Variants in CCSER1 observed in about 807,000 individuals in gnomAD.
CCSER1 encodes the protein serine-rich coiled-coil domain-containing protein 1.
A neutral mutation model predicts 82.0 loss-of-function variants in CCSER1; 41 were observed. The ratio of observed to expected loss-of-function variants is 0.50; its 90% confidence interval spans 0.39 to 0.65. CCSER1 has a LOEUF of 0.65. Ranked by LOEUF, CCSER1 falls within the 30% of genes least tolerant of loss-of-function variation. CCSER1 has a pLI of 0.00. For synonymous variants in CCSER1, 414 were observed against 383.9 expected (o/e 1.08, Z -0.92); for missense variants, 1,119 against 1,064.2 (o/e 1.05, Z -0.72).
chr4:90,737,678 G>A (rs1012219988), intron 7 of CCSER1, among the ~76,000 whole-genome samples: 4 of 152,120 alleles, frequency 2.6e-5, no homozygotes, highest in Non-Finnish European at 5.9e-5. Context: ...GAAGTACTAT[G>A]TTATTGTCCA....
chr4:90,493,598 G>A (rs1400229306), intron 5 of CCSER1, among the ~76,000 whole-genome samples: 1 of 152,154 alleles, frequency 6.6e-6, no homozygotes, highest in Non-Finnish European at 1.5e-5. Flanking sequence ...AAGAGAGTGG[G>A]ATCCAATATT....
chr4:90,535,288 A>G (rs916966159), intron 5 of CCSER1, among the ~76,000 whole-genome samples: 1 of 152,148 alleles, frequency 6.6e-6, no homozygotes, highest in Admixed American at 6.5e-5. Context: ...TAGTATAGGC[A>G]TTAGACATCA....
rs1392485165 is a variant in CCSER1, at chr4:90,756,020, A to G, written c.2010+32029A>G. 3.9e-5 allele frequency among the ~76,000 whole-genome samples: 6 copies of G among 152,258 alleles called. No individual in the cohort carries two copies. In the East Asian group the frequency reaches 1.2e-3, roughly 29 times the overall value. On this transcript the variant is annotated intron_variant, in intron 7 of 10. Transcript: ENST00000509176. ...AGGGGGTGGATCAGTTGAAGTCAGAAGTTTGAGACCAGCCTGGTGAACATG... is the reference window on the plus strand; with the variant it reads ...AGGGGGTGGATCAGTTGAAGTCAGAGGTTTGAGACCAGCCTGGTGAACATG...
At chr4:90,884,864 T>C (rs981167478) in intron 8 of CCSER1, among the ~76,000 whole-genome samples, 1 of 152,058 alleles carries the variant, frequency 6.6e-6, no homozygotes, top group East Asian at 1.9e-4. Context: ...ATTGAAGCAA[T>C]GGGCAGATAA....
intron 10 of CCSER1, among the ~76,000 whole-genome samples, chr4:91,435,785 G>A (rs540088673): frequency 2.0e-5 from 3 of 152,270 alleles, no homozygotes; most frequent in East Asian, 1.9e-4. Flanking sequence ...ATGCTTTCAT[G>A]TAAAACAATT....
intron 4 of CCSER1, among the ~76,000 whole-genome samples, chr4:90,442,229 A>T (rs1759991050): frequency 6.6e-6 from 1 of 152,136 alleles, no homozygotes; most frequent in African/African-American, 2.4e-5. Flanking sequence ...GAGACATCAG[A>T]CTTAATACAG....
intron 5 of CCSER1, among the ~76,000 whole-genome samples, chr4:90,506,482 G>T (rs905138329): frequency 2.0e-5 from 3 of 151,942 alleles, no homozygotes; most frequent in Admixed American, 1.3e-4. Flanking sequence ...TTAACTTTAG[G>T]CCGGGCATGG....
At chr4:91,183,759 A>G (rs1252976827) in intron 10 of CCSER1, among the ~76,000 whole-genome samples, 3 of 152,142 alleles carry the variant, frequency 2.0e-5, no homozygotes, top group Admixed American at 1.3e-4. Flanking sequence ...CTCTGGATCT[A>G]TTCTATTTAT....
At chr4:91,196,234 C>G (rs530047353) in intron 10 of CCSER1, among the ~76,000 whole-genome samples, 1 of 149,784 alleles carries the variant, frequency 6.7e-6, no homozygotes, top group African/African-American at 2.4e-5. Context: ...TCCTCAAAGA[C>G]TGCATTTCTC....
chr4:91,428,608 G>T (rs541103290), intron 10 of CCSER1, among the ~76,000 whole-genome samples: 2 of 152,046 alleles, frequency 1.3e-5, no homozygotes, highest in South Asian at 2.1e-4. Context: ...CCCATTTTCA[G>T]ATTTTTCATC....
chr4:90,772,517 C>T lies in CCSER1; in HGVS notation c.2011-43245C>T, dbSNP rs187483324. On this transcript the variant is annotated intron_variant, in intron 7 of 10. Transcript: ENST00000509176. ...AAAATGCAAATATTTCAGTGTCATT[C>T]GAAAAACTAACAAGGAATTATAAGT... 1.8e-3 allele frequency among the ~76,000 whole-genome samples: 275 copies of T among 152,180 alleles called. 1 individual carries two copies. The highest frequency in any genetic ancestry group is 6.3e-3 in the African/African-American group (263 of 41,528).
intron 7 of CCSER1, among the ~76,000 whole-genome samples, chr4:90,813,097 A>G (rs770419097): frequency 6.6e-6 from 1 of 152,354 alleles, no homozygotes; most frequent in South Asian, 2.1e-4. Context: ...GTCCAAGTCC[A>G]AAGTCTCATC....
intron 5 of CCSER1, among the ~76,000 whole-genome samples, chr4:90,489,107 A>G (rs1278034214): frequency 6.6e-6 from 1 of 152,182 alleles, no homozygotes; most frequent in Non-Finnish European, 1.5e-5. Flanking sequence ...TTCCAAATTC[A>G]TGATTAAGTT....
At chr4:91,144,205 C>T (rs1056766321) in intron 10 of CCSER1, among the ~76,000 whole-genome samples, 4 of 151,840 alleles carry the variant, frequency 2.6e-5, no homozygotes, top group Non-Finnish European at 4.4e-5. Context: ...CATGTGTTTC[C>T]AGGAATTTAT....
chr4:90,743,762 C>T (rs745357681), intron 7 of CCSER1, among the ~76,000 whole-genome samples: 13 of 152,078 alleles, frequency 8.5e-5, no homozygotes, highest in Non-Finnish European at 1.9e-4. Flanking sequence ...GAAACTTCAA[C>T]AATAGAGCTA....
chr4:90,645,522 C>T (rs1025063508), intron 6 of CCSER1, among the ~76,000 whole-genome samples: 1 of 152,104 alleles, frequency 6.6e-6, no homozygotes, highest in Non-Finnish European at 1.5e-5. Context: ...CAACTTAAAA[C>T]ATTATTTTAA....
Position 90,886,983 on chromosome 4 carries a change from A to T in CCSER1, c.2095-36387A>T, listed in dbSNP as rs991695109. Among the ~76,000 whole-genome samples the T allele has an allele frequency of 2.0e-5, 3 of 152,268 alleles. No homozygotes were observed. The East Asian group carries it at 5.8e-4, about 29-fold the overall frequency. ...TAGAAGAAGACCAATAGACCTACCA[A>T]ATGAAAACATTTTAATGAGGAGATT... On this transcript the variant is annotated intron_variant, in intron 8 of 10. Transcript: ENST00000509176.
At chr4:90,660,026 T>C (rs553632288) in intron 6 of CCSER1, among the ~76,000 whole-genome samples, 2 of 151,954 alleles carry the variant, frequency 1.3e-5, no homozygotes, top group Middle Eastern at 3.4e-3. Context: ...AAAAAAACCT[T>C]AAATAGATGT....
At chr4:91,217,347 C>CT (rs1737328769) in intron 10 of CCSER1, among the ~76,000 whole-genome samples, 1 of 152,124 alleles carries the variant, frequency 6.6e-6, no homozygotes, top group African/African-American at 2.4e-5. Flanking sequence ...CTGATTGGTG[C>CT]GTTTACAATC....
Sources: gnomAD v4.1 joint callset for allele counts (sites outside exome capture counted in the v4.1 genomes callset) on GRCh38, gnomAD v4.1.1 for gene constraint, MANE v1.5 for transcripts, NCBI Gene and HGNC (gene_info 2026-07-23, HGNC 2026-07-21) for gene names.